Variants in SNIP1 observed in about 807,000 individuals in gnomAD.
SNIP1 encodes the protein smad nuclear-interacting protein 1.
A neutral mutation model predicts 37.4 loss-of-function variants in SNIP1; 23 were observed. The observed-to-expected ratio is 0.61, with a 90% CI of 0.44 to 0.87. The LOEUF (loss-of-function observed/expected upper bound fraction) is 0.87, where lower values mean the gene tolerates loss of function less well. Ranked by LOEUF, SNIP1 falls within the 40% of genes least tolerant of loss-of-function variation. The pLI, the probability that SNIP1 is intolerant of heterozygous loss-of-function variation, is 0.00. For synonymous variants in SNIP1, 174 were observed against 200.0 expected (o/e 0.87, Z 1.10); for missense variants, 459 against 540.4 (o/e 0.85, Z 1.49).
rs1643077568 is a variant in SNIP1 at position 37,535,322 on chromosome 1, G to A, written c.*2426C>T. The A allele has an allele frequency of 6.7e-6, 1 of 149,000 alleles. No individual in the cohort carries two copies. The highest frequency in any genetic ancestry group is 2.5e-5 in the African/African-American group (1 of 39,686). 9.2% of individuals were successfully genotyped at this position (149,000 alleles called of 1,614,324 possible). ...CAGGAGAATCGCTTGAAACTGGGAG[G>A]CGGAGGTTGCAGTGAGCCAAGATGG... On this transcript the variant is annotated 3_prime_UTR_variant, in exon 4 of 4. Coordinates refer to ENST00000296215, the MANE Select transcript of SNIP1 (RefSeq NM_024700.4).
chr1:37,539,803 T>C (rs962572418), intron 3 of SNIP1, among the ~76,000 whole-genome samples: 4 of 152,052 alleles, frequency 2.6e-5, no homozygotes, highest in East Asian at 1.9e-4. Flanking sequence ...GTTTCAAAAT[T>C]AGCTGGGCAC....
chr1:37,542,877 T>C (rs529727731), intron 2 of SNIP1, among the ~76,000 whole-genome samples: 61 of 152,210 alleles, frequency 4.0e-4, no homozygotes, highest in African/African-American at 1.5e-3. Flanking sequence ...CAGGGCAACA[T>C]GGCAAAACCC....
At chr1:37,548,325 C>CT (rs1019221559) in intron 2 of SNIP1, among the ~76,000 whole-genome samples, 45 of 146,486 alleles carry the variant, frequency 3.1e-4, no homozygotes, top group South Asian at 6.6e-4. Context: ...TTAAAATTTG[C>CT]TTTTTTTTTT....
chr1:37,544,773 C>T (rs893601683), intron 2 of SNIP1: 37 of 716,978 alleles, frequency 5.2e-5, no homozygotes, highest in African/African-American at 2.3e-4. Flanking sequence ...ATGACGACTG[C>T]GCGTCCCCCT....
At chr1:37,552,038 C>T (rs538742197) in intron 2 of SNIP1, among the ~76,000 whole-genome samples, 178 of 152,312 alleles carry the variant, frequency 1.2e-3, no homozygotes, top group Non-Finnish European at 2.0e-3. Context: ...GGATACCACT[C>T]AGCAATGAAA....
chr1:37,543,904 G>GCT, intron 2 of SNIP1, among the ~76,000 whole-genome samples: 1 of 151,092 alleles, frequency 6.6e-6, no homozygotes. Flanking sequence ...ACTTTGGGAG[G>GCT]GCAAGGGGGG....
chr1:37,552,421 G>A, intron 2 of SNIP1: 1 of 515,528 alleles, frequency 1.9e-6, no homozygotes, highest in Non-Finnish European at 3.5e-6. Flanking sequence ...ACAACTGCAT[G>A]TGAACCAATA....
intron 2 of SNIP1, among the ~76,000 whole-genome samples, chr1:37,548,152 C>CG (rs1643262353): frequency 3.1e-5 from 2 of 65,350 alleles, no homozygotes; most frequent in Non-Finnish European, 5.3e-5. Flanking sequence ...GACTCCATAT[C>CG]AAAAAAAAAA....
At chr1:37,538,115 G>A in intron 3 of SNIP1, 103 bp from the exon 4 acceptor site, 7 of 1,312,544 alleles carry the variant, frequency 5.3e-6, no homozygotes, top group Non-Finnish European at 7.1e-6. Flanking sequence ...TAAATAACCT[G>A]GCTTGAGCAC....
chr1:37,538,818 T>C (rs1214895461), intron 3 of SNIP1, among the ~76,000 whole-genome samples: 1 of 152,070 alleles, frequency 6.6e-6, no homozygotes, highest in Non-Finnish European at 1.5e-5. Flanking sequence ...CCGTGGCCTG[T>C]TAGGAACCGG....
At position 37,553,600 on chromosome 1, in the gene SNIP1, C is replaced by G. The variant is rs144862028; in HGVS notation, c.224+406G>C. Among the ~76,000 whole-genome samples the G allele has an allele frequency of 6.5e-3, 983 of 151,132 alleles. 39 individuals carry two copies. Among genetic ancestry groups the G allele is most frequent in the Admixed American group, 0.055 (842 of 15,208 alleles). ...GCAAGAAGTAACTTTTTTTTTTTCC[C>G]CAGTTTCTGTTAGGTAGCTCGCTTA... On this transcript the variant is annotated intron_variant, in intron 1 of 3. Coordinates refer to ENST00000296215, the MANE Select transcript of SNIP1 (RefSeq NM_024700.4).
intron 2 of SNIP1, among the ~76,000 whole-genome samples, chr1:37,550,973 T>C (rs1039610428): frequency 2.0e-5 from 3 of 151,544 alleles, no homozygotes; most frequent in Non-Finnish European, 4.4e-5. Flanking sequence ...TGGGCATCTG[T>C]AATCCCAGCT....
rs1643084588 is a variant in SNIP1, at chr1:37,535,798, A to ATTC, written c.*1947_*1949dup. On this transcript the variant is annotated 3_prime_UTR_variant, in exon 4 of 4. Coordinates refer to ENST00000296215, the MANE Select transcript of SNIP1 (RefSeq NM_024700.4). Reference sequence around the variant, plus strand: ...AGTTACAGTGGCCAATGTAGAACACATTCTTCAACTTACCTTTTTTTTTTT... The same window carrying ATTC: ...AGTTACAGTGGCCAATGTAGAACACATTCTTCTTCAACTTACCTTTTTTTTTTT... 6.6e-6 allele frequency: 1 copy of ATTC among 151,776 alleles called. No individual in the cohort carries two copies. Among genetic ancestry groups the ATTC allele is most frequent in the Non-Finnish European group, 1.5e-5 (1 of 67,986 alleles). 9.4% of individuals were successfully genotyped at this position (151,776 alleles called of 1,614,324 possible).
At chr1:37,539,112 T>G (rs758959857) in intron 3 of SNIP1, among the ~76,000 whole-genome samples, 17 of 152,194 alleles carry the variant, frequency 1.1e-4, no homozygotes, top group Non-Finnish European at 1.8e-4. Flanking sequence ...GCTCAGGGCT[T>G]CCACTGATTC....
At chr1:37,553,963 T>G in intron 1 of SNIP1, 43 bp downstream of exon 1, 5 of 1,542,076 alleles carry the variant, frequency 3.2e-6, no homozygotes, top group South Asian at 1.2e-5. Flanking sequence ...CCTTTCTGAA[T>G]GAGCCCAACC....
rs754101486 is a variant in SNIP1, at chr1:37,550,808, G to A, written c.327+1837C>T. ...ATGGCAAATAAGCACATGAAAAGAC[G>A]TCCAAGGCCAGGTGCAGTGGCTCAC... is the stretch of plus-strand genomic sequence containing the variant. On this transcript the variant is annotated intron_variant, in intron 2 of 3. Coordinates refer to ENST00000296215, the MANE Select transcript of SNIP1 (RefSeq NM_024700.4). Among the ~76,000 whole-genome samples, 8 of 151,576 alleles carry A rather than the reference G, an allele frequency of 5.3e-5. No homozygotes were observed. In the East Asian group the frequency reaches 5.9e-4, roughly 11 times the overall value.
At position 37,540,584 on chromosome 1, in the gene SNIP1, G is replaced by A. The variant is rs1403289749; in HGVS notation, c.499C>T (p.Arg167Ter). 9 of 1,613,930 alleles carry A rather than the reference G, an allele frequency of 5.6e-6. No homozygotes were observed. Among genetic ancestry groups the A allele is most frequent in the Admixed American group, 3.3e-5 (2 of 59,974 alleles). The change falls in exon 3 of 4, where the codon CGA becomes TGA. Residue 167 changes from arginine (R) to a stop codon, truncating the protein, a stop_gained. Coordinates refer to ENST00000296215, the MANE Select transcript of SNIP1 (RefSeq NM_024700.4). LOFTEE classifies it high-confidence loss of function. The surrounding 1 kb of genome is among the most constrained non-coding windows in gnomAD (Gnocchi z 5.6). ...PGSGQGQGRD[R>*]DTQNLQAQEE... The stretch of plus-strand genomic sequence containing the variant: ...TGAGCCTGCAGGTTCTGAGTGTCTC[G>A]ATCCCGTCCCTGACCCTGCCCACTC...
rs376035658 is a variant in SNIP1 at position 37,554,278 on chromosome 1, A to G, written c.-49T>C. The G allele has an allele frequency of 3.3e-6, 5 of 1,523,322 alleles. No homozygotes were observed. The highest frequency in any genetic ancestry group is 4.4e-6 in the Non-Finnish European group (5 of 1,131,542). The allele number at this position is 1,523,322 out of a possible 1,614,324, so 94.4% of individuals were successfully genotyped here. A position where few individuals can be genotyped will look rare whatever the true frequency, so the allele number is the denominator to read the frequency against. Reference sequence around the variant, plus strand: ...GAAAACAGATCAGTTGAGCTCCTCTAGCTGGAGGAAATGACGAGTTTAACT... The same window carrying G: ...GAAAACAGATCAGTTGAGCTCCTCTGGCTGGAGGAAATGACGAGTTTAACT... On this transcript the variant is annotated 5_prime_UTR_variant, in exon 1 of 4. Coordinates refer to ENST00000296215, the MANE Select transcript of SNIP1 (RefSeq NM_024700.4).
At position 37,535,650 on chromosome 1, in the gene SNIP1, T is replaced by G. The variant is rs1043944264; in HGVS notation, c.*2098A>C. On this transcript the variant is annotated 3_prime_UTR_variant, in exon 4 of 4. Transcript: ENST00000296215. ...ATCCTAGAGTAAGATACCAGATTAG[T>G]GCTTAAACCCTCAAGAGAAAACCGT... 11 of 152,200 alleles carry G rather than the reference T, an allele frequency of 7.2e-5. No homozygotes were observed. The highest frequency in any genetic ancestry group is 2.2e-4 in the African/African-American group (9 of 41,518). 9.4% of individuals were successfully genotyped at this position (152,200 alleles called of 1,614,324 possible). A position where few individuals can be genotyped will look rare whatever the true frequency, so the allele number is the denominator to read the frequency against.
Sources: gnomAD v4.1 joint callset for allele counts (sites outside exome capture counted in the v4.1 genomes callset) on GRCh38, gnomAD v4.1.1 for gene constraint, Gnocchi (gnomAD v3.1) non-coding constraint, MANE v1.5 for transcripts, NCBI Gene and HGNC (gene_info 2026-07-23, HGNC 2026-07-21) for gene names.